The following AMPH variants were observed in gnomAD, a reference collection of about 807,000 sequenced individuals.
The protein encoded by AMPH is amphiphysin (Stiff-Mann syndrome with breast cancer 128kD autoantigen).
AMPH carries 49 observed loss-of-function variants against 99.1 expected under a neutral mutation model. The observed-to-expected ratio is 0.49, with a 90% confidence interval of 0.39 to 0.63. The LOEUF is 0.63. AMPH is among the 20% of genes least tolerant of loss of function. The pLI, the probability that AMPH is intolerant of heterozygous loss-of-function variation, is 0.00. For synonymous variants in AMPH, 314 were observed against 317.3 expected (o/e 0.99, Z 0.11); for missense variants, 759 against 863.4 (o/e 0.88, Z 1.52).
intron 1 of AMPH, among the ~76,000 whole-genome samples, chr7:38,562,667 G>A (rs1415424022): frequency 6.6e-6 from 1 of 151,866 alleles, no homozygotes; most frequent in Non-Finnish European, 1.5e-5. Context: ...AGGGAGAAGA[G>A]GGGAGGGAGA....
At chr7:38,395,740 C>T (rs887239116) in intron 17 of AMPH, among the ~76,000 whole-genome samples, 1 of 151,968 alleles carries the variant, frequency 6.6e-6, no homozygotes, top group African/African-American at 2.4e-5. Flanking sequence ...TTAGGAAGGC[C>T]CTAATATTGC....
At chr7:38,511,946 G>A (rs1440700176) in intron 2 of AMPH, among the ~76,000 whole-genome samples, 8 of 152,138 alleles carry the variant, frequency 5.3e-5, no homozygotes, top group Non-Finnish European at 8.8e-5. Flanking sequence ...ATCATAGAAC[G>A]ACTCTTTAGA....
chr7:38,527,189 G>T (rs1393124099), intron 2 of AMPH, among the ~76,000 whole-genome samples: 1 of 152,180 alleles, frequency 6.6e-6, no homozygotes, highest in Non-Finnish European at 1.5e-5. Flanking sequence ...ATATTGAAAA[G>T]AATTTTTCCT....
intron 16 of AMPH, among the ~76,000 whole-genome samples, chr7:38,418,861 T>C (rs1434622899): frequency 3.3e-5 from 5 of 152,124 alleles, no homozygotes; most frequent in Non-Finnish European, 7.4e-5. Flanking sequence ...TGGCATCTCT[T>C]AGATCAAGGC....
In AMPH at chr7:38,575,817, G is replaced by A. The variant is rs373815932; in HGVS notation, c.70-40806C>T. 2.3e-3 allele frequency among the ~76,000 whole-genome samples: 352 copies of A among 152,188 alleles called. 2 individuals carry two copies. Among genetic ancestry groups the A allele is most frequent in the African/African-American group, 7.8e-3 (325 of 41,512 alleles). On this transcript the variant is annotated intron_variant, in intron 1 of 20. Transcript: ENST00000356264. ...CTTTGTTCATCTCCACCTCTCGATCGCTGCCCAGGCTCTGCTACTCACTTT... is the reference window on the plus strand; with the variant it reads ...CTTTGTTCATCTCCACCTCTCGATCACTGCCCAGGCTCTGCTACTCACTTT...
Position 38,515,915 on chromosome 7 carries a change from T to C in AMPH, c.151-12211A>G, listed in dbSNP as rs549728749. ...TTGTTAGCAAAGAGATGGCAGGCAT[T>C]GTGCCCCTGCCCTACAGAGATGATT... is the stretch of plus-strand genomic sequence containing the variant. On this transcript the variant is annotated intron_variant, in intron 2 of 20. Transcript: ENST00000356264. Among the ~76,000 whole-genome samples the C allele has an allele frequency of 1.1e-3, 172 of 152,350 alleles. 1 individual carries two copies. In the Middle Eastern group the frequency reaches 0.014, roughly 12 times the overall value.
chr7:38,398,938 A>T (rs959718172), intron 17 of AMPH, among the ~76,000 whole-genome samples: 5 of 152,224 alleles, frequency 3.3e-5, no homozygotes, highest in African/African-American at 4.8e-5. Flanking sequence ...GACTGCTCTG[A>T]CGTTCCTGAC....
rs1457388647 is a variant in AMPH, at chr7:38,554,455, T to C, written c.70-19444A>G. On this transcript the variant is annotated intron_variant, in intron 1 of 20. Coordinates refer to ENST00000356264, the MANE Select transcript of AMPH (RefSeq NM_001635.4). ...AAATCCCTTAAAATGTCTATACTTA[T>C]TGACCCAGCAATCCTACTTCTATAA... Among the ~76,000 whole-genome samples, 6 of 152,328 alleles carry C rather than the reference T, an allele frequency of 3.9e-5. No individual in the cohort carries two copies. In the East Asian group the frequency reaches 1.2e-3, roughly 29 times the overall value.
intron 6 of AMPH, among the ~76,000 whole-genome samples, chr7:38,476,470 T>C (rs906923754): frequency 3.9e-5 from 6 of 152,186 alleles, no homozygotes; most frequent in Non-Finnish European, 8.8e-5. Flanking sequence ...GAAAATTTGT[T>C]TTATGCAAAT....
At chr7:38,581,147 T>A (rs1334345053) in intron 1 of AMPH, among the ~76,000 whole-genome samples, 2 of 152,008 alleles carry the variant, frequency 1.3e-5, no homozygotes, top group East Asian at 3.9e-4. Context: ...TGTTCAGCTG[T>A]GGTTGGAAAA....
chr7:38,577,482 G>C (rs185398465), intron 1 of AMPH, among the ~76,000 whole-genome samples: 13 of 152,286 alleles, frequency 8.5e-5, no homozygotes, highest in Non-Finnish European at 1.3e-4. Context: ...TTTGATTAGC[G>C]TAAGTTGACT....
At chr7:38,405,920 A>G (rs1008931044) in intron 17 of AMPH, among the ~76,000 whole-genome samples, 1 of 152,206 alleles carries the variant, frequency 6.6e-6, no homozygotes, top group South Asian at 2.1e-4. Flanking sequence ...AGAATATACA[A>G]TCTTTTATCT....
intron 1 of AMPH, among the ~76,000 whole-genome samples, chr7:38,610,333 A>AAAGAAAAG (rs1554375564): frequency 6.7e-5 from 2 of 29,814 alleles, no homozygotes; most frequent in South Asian, 8.4e-4. Flanking sequence ...AAAGAAAAGA[A>AAAGAAAAG]AAAAGAAAAG....
At chr7:38,422,734 T>C (rs1456281845) in intron 15 of AMPH, among the ~76,000 whole-genome samples, 1 of 152,128 alleles carries the variant, frequency 6.6e-6, no homozygotes, top group African/African-American at 2.4e-5. Context: ...GCGATCTACC[T>C]CAGCCTCCTG....
At chr7:38,506,810 G>T (rs1789342198) in intron 2 of AMPH, among the ~76,000 whole-genome samples, 1 of 152,160 alleles carries the variant, frequency 6.6e-6, no homozygotes, top group Non-Finnish European at 1.5e-5. Context: ...ATAGCATGGG[G>T]ATGAAACACA....
intron 14 of AMPH, 88 bp downstream of exon 14, chr7:38,429,754 G>A: frequency 7.0e-7 from 1 of 1,429,610 alleles, no homozygotes; most frequent in Non-Finnish European, 9.7e-7. Flanking sequence ...CAATGCCATG[G>A]GGAAACAGTT....
At chr7:38,524,623 C>T (rs1790093453) in intron 2 of AMPH, among the ~76,000 whole-genome samples, 1 of 151,872 alleles carries the variant, frequency 6.6e-6, no homozygotes, top group African/African-American at 2.4e-5. Flanking sequence ...GGCATGGAGG[C>T]ATGGAAGCAT....
intron 17 of AMPH, among the ~76,000 whole-genome samples, chr7:38,396,024 T>C (rs1450184579): frequency 1.3e-5 from 2 of 152,266 alleles, no homozygotes; most frequent in African/African-American, 4.8e-5. Flanking sequence ...TATGTCCAAG[T>C]ATTTACTCAT....
chr7:38,476,334 T>C (rs1205737051), intron 6 of AMPH, among the ~76,000 whole-genome samples: 1 of 152,182 alleles, frequency 6.6e-6, no homozygotes, highest in Non-Finnish European at 1.5e-5. Flanking sequence ...CAGGCAGCTG[T>C]GTGTAGGCAC....
Sources: allele counts gnomAD v4.1 joint callset (sites outside exome capture counted in the v4.1 genomes callset), GRCh38; gene constraint gnomAD v4.1.1; transcripts MANE v1.5; gene names NCBI Gene and HGNC (gene_info 2026-07-23, HGNC 2026-07-21).